TMC5: variants seen among roughly 807,000 people sequenced by gnomAD.
TMC5 encodes the protein transmembrane channel-like protein 5.
Under a neutral mutation model 110.5 loss-of-function variants are expected in TMC5, and 86 were observed. The observed-to-expected ratio is 0.78, with a 90% CI of 0.65 to 0.93. The LOEUF (loss-of-function observed/expected upper bound fraction) is 0.93, where lower values mean the gene tolerates loss of function less well. Among genes scored for constraint, TMC5 ranks in the 40% least tolerant of loss-of-function variants. TMC5 has a pLI of 0.00. For missense variants in TMC5, 1,144 were observed against 1,222.8 expected (o/e 0.94, Z 0.96); for synonymous variants, 455 against 439.5 (o/e 1.04, Z -0.44).
chr16:19,416,783 G>T (rs1214461576), upstream of TMC5, among the ~76,000 whole-genome samples: 1 of 152,138 alleles, frequency 6.6e-6, no homozygotes, highest in African/African-American at 2.4e-5. Flanking sequence ...TGCCAAAGGG[G>T]ATGTATCTAT....
At chr16:19,475,422 A>AG (rs1396663097) in intron 12 of TMC5, among the ~76,000 whole-genome samples, 1 of 149,872 alleles carries the variant, frequency 6.7e-6, no homozygotes, top group South Asian at 2.1e-4. Flanking sequence ...ACTCCATCTC[A>AG]GAAAAAAAAA....
rs1006247634 is a variant in TMC5, at chr16:19,440,087, C to T, written c.49C>T (p.Pro17Ser). 7 of 1,613,952 alleles carry T rather than the reference C, an allele frequency of 4.3e-6. No individual in the cohort carries two copies. In the African/African-American group the frequency reaches 5.3e-5, roughly 12 times the overall value. ...CTGGTCTGAGGAAGACCCAGATTACCCTGACTATTCAGGGTCTCAGAACCG... is the reference window on the plus strand; with the variant it reads ...CTGGTCTGAGGAAGACCCAGATTACTCTGACTATTCAGGGTCTCAGAACCG... The part of the protein sequence containing the change: ...NNWSEEDPDY[P>S]DYSGSQNRTQ... The change falls in exon 3 of 22, where the codon CCT becomes TCT. Residue 17 changes from proline (P) to serine (S), a missense_variant. Transcript: ENST00000542583.
chr16:19,438,410 AAG>A (rs1394280228), intron 2 of TMC5, among the ~76,000 whole-genome samples: 8,183 of 108,096 alleles, frequency 0.076, 456 homozygotes, highest in South Asian at 0.11. Flanking sequence ...AAAAAAAAAG[AAG>A]AAAGAAAAGA....
chr16:19,458,083 C>A (rs528314010), intron 5 of TMC5, among the ~76,000 whole-genome samples: 5 of 152,032 alleles, frequency 3.3e-5, no homozygotes, highest in Non-Finnish European at 7.4e-5. Context: ...TTCCTCCTCA[C>A]CCTGGTCAGG....
chr16:19,487,197 G>A lies in TMC5; in HGVS notation c.2444G>A (p.Ser815Asn). Reference protein sequence around the residue: ...LFIMFYSKNISLMMNFQPPSK... With the variant: ...LFIMFYSKNINLMMNFQPPSK... ...TGGCTGCCTCTCTCTCTTCAGATCA[G>A]CCTGATGATGAATTTCCAGCCTCCG... The change falls in exon 17 of 22, where the codon AGC (serine) becomes AAC (asparagine). Residue 815 changes from serine (S) to asparagine (N), a missense_variant. Physicochemically the swap from Ser to Asn is conservative, Grantham distance 46. Coordinates refer to ENST00000542583, the MANE Select transcript of TMC5 (RefSeq NM_001261841.2). 1 of 1,612,230 alleles carries A rather than the reference G, an allele frequency of 6.2e-7. No individual in the cohort carries two copies. The highest frequency in any genetic ancestry group is 8.5e-7 in the Non-Finnish European group (1 of 1,179,152).
upstream of TMC5, among the ~76,000 whole-genome samples, chr16:19,417,440 AG>A (rs1293513125): frequency 7.0e-6 from 1 of 142,182 alleles, no homozygotes. Flanking sequence ...AAAAAAAAAA[AG>A]GAGCCAGTGC....
intron 1 of TMC5, among the ~76,000 whole-genome samples, chr16:19,419,265 C>T (rs1597153696): frequency 1.3e-5 from 2 of 152,202 alleles, no homozygotes; most frequent in East Asian, 3.9e-4. Flanking sequence ...TGCATGTCAG[C>T]ACTCAATAAA....
chr16:19,463,811 T>C lies in TMC5; in HGVS notation c.1272T>C (p.Ile424=), dbSNP rs1276552430. The part of the protein sequence containing the change: ...YRRSKNSLSE[I]LNSISLWQKT... ...GATCCAAGAACAGCCTGTCGGAAAT[T>C]CTGAATTCCATCAGCCTGTGGCAGA... The change falls in exon 8 of 22, where the codon ATT becomes ATC. Residue 424 remains isoleucine (I), a synonymous_variant. Coordinates refer to ENST00000542583, the MANE Select transcript of TMC5 (RefSeq NM_001261841.2). 1 of 1,614,180 alleles carries C rather than the reference T, an allele frequency of 6.2e-7. No individual in the cohort carries two copies. Among genetic ancestry groups the C allele is most frequent in the East Asian group, 2.2e-5 (1 of 44,888 alleles).
chr16:19,478,716 G>C (rs1176865502), intron 13 of TMC5, among the ~76,000 whole-genome samples: 4 of 151,612 alleles, frequency 2.6e-5, no homozygotes, highest in African/African-American at 9.7e-5. Flanking sequence ...CCATCTATCT[G>C]TCAATTCATG....
intron 12 of TMC5, among the ~76,000 whole-genome samples, chr16:19,475,543 T>C (rs1365237739): frequency 1.3e-5 from 2 of 152,140 alleles, no homozygotes; most frequent in Admixed American, 6.6e-5. Context: ...TCCAGCCTCA[T>C]TTTCTCCCCA....
chr16:19,489,517 G>A (rs1259987765), intron 17 of TMC5, among the ~76,000 whole-genome samples: 1 of 151,922 alleles, frequency 6.6e-6, no homozygotes, highest in Non-Finnish European at 1.5e-5. Flanking sequence ...TGTATTTTTA[G>A]TAGAGACAGG....
At chr16:19,492,588 G>C (rs1229942598) in intron 19 of TMC5, among the ~76,000 whole-genome samples, 1 of 152,022 alleles carries the variant, frequency 6.6e-6, no homozygotes, top group Non-Finnish European at 1.5e-5. Flanking sequence ...TGGAATTACA[G>C]GTGCCTGCCA....
chr16:19,467,773 C>T (rs552929783), intron 9 of TMC5, among the ~76,000 whole-genome samples: 90 of 152,122 alleles, frequency 5.9e-4, no homozygotes, highest in African/African-American at 2.0e-3. Flanking sequence ...TGAGCCACTG[C>T]GCCCGGCCTG....
Position 19,437,514 on chromosome 16 carries a change from G to C in TMC5, c.-79-2446G>C, listed in dbSNP as rs953318475. The stretch of plus-strand genomic sequence containing the variant: ...GTGGGTTGGCACACGGACATTCTGA[G>C]ACTGTAGGTGTTGGCAGAAAGTTAA... On this transcript the variant is annotated intron_variant, in intron 2 of 21. Transcript: ENST00000542583. Among the ~76,000 whole-genome samples, 3 of 152,322 alleles carry C rather than the reference G, an allele frequency of 2.0e-5. No homozygotes were observed. In the South Asian group the frequency reaches 6.2e-4, roughly 32 times the overall value.
At chr16:19,461,986 G>A (rs1190715879) in intron 6 of TMC5, among the ~76,000 whole-genome samples, 1 of 152,126 alleles carries the variant, frequency 6.6e-6, no homozygotes, top group Non-Finnish European at 1.5e-5. Flanking sequence ...ATTTGAGCTG[G>A]GCCTTGAAAG....
chr16:19,438,489 A>G (rs1205764264), intron 2 of TMC5, among the ~76,000 whole-genome samples: 2 of 142,522 alleles, frequency 1.4e-5, no homozygotes, highest in Non-Finnish European at 3.0e-5. Flanking sequence ...ACTCATGCCT[A>G]TAATCCAAGC....
chr16:19,453,653 A>G (rs1229520854), intron 5 of TMC5, among the ~76,000 whole-genome samples: 1 of 151,956 alleles, frequency 6.6e-6, no homozygotes, highest in Non-Finnish European at 1.5e-5. Flanking sequence ...CTGCAGTGCC[A>G]GCTACTCTGG....
intron 1 of TMC5, among the ~76,000 whole-genome samples, chr16:19,421,398 C>T (rs553588362): frequency 1.3e-5 from 2 of 152,114 alleles, no homozygotes; most frequent in South Asian, 2.1e-4. Flanking sequence ...CATGGGAACA[C>T]GAGATCTGAC....
At chr16:19,489,483 C>T (rs1189888596) in intron 17 of TMC5, among the ~76,000 whole-genome samples, 6 of 151,924 alleles carry the variant, frequency 3.9e-5, no homozygotes, top group South Asian at 4.2e-4. Context: ...TACAGGCGCC[C>T]GCCACCACGC....
Sources: allele counts gnomAD v4.1 joint callset (sites outside exome capture counted in the v4.1 genomes callset), GRCh38; gene constraint gnomAD v4.1.1; transcripts MANE v1.5; gene names NCBI Gene and HGNC (gene_info 2026-07-23, HGNC 2026-07-21).